IQSEC1: variants seen among roughly 807,000 people sequenced by gnomAD.
The protein encoded by IQSEC1 is IQ motif and Sec7 domain ArfGEF 1.
IQSEC1 carries 31 observed loss-of-function variants against 91.0 expected under a neutral mutation model. The ratio of observed to expected loss-of-function variants is 0.34; its 90% CI spans 0.26 to 0.46. The LOEUF is 0.46. IQSEC1 is among the 20% of genes least tolerant of loss of function. The pLI is 1.00. For synonymous variants in IQSEC1, 699 were observed against 662.6 expected (o/e 1.05, Z -0.84); for missense variants, 1,388 against 1,575.6 (o/e 0.88, Z 2.02).
chr3:13,172,742 G>T (rs1292848913), intron 1 of IQSEC1, among the ~76,000 whole-genome samples: 1 of 152,238 alleles, frequency 6.6e-6, no homozygotes, highest in African/African-American at 2.4e-5. Context: ...CAGTGCTGGT[G>T]AGGGATGGCA....
chr3:12,943,727 G>C (rs935346142), intron 1 of IQSEC1, among the ~76,000 whole-genome samples: 3 of 152,224 alleles, frequency 2.0e-5, no homozygotes, highest in African/African-American at 7.2e-5. Context: ...CCAGTGCCCA[G>C]TGCAGAATGT....
chr3:13,046,196 G>A (rs1293496544), intron 1 of IQSEC1, among the ~76,000 whole-genome samples: 1 of 152,250 alleles, frequency 6.6e-6, no homozygotes, highest in Non-Finnish European at 1.5e-5. Flanking sequence ...CAATAGCCCT[G>A]ACTCGCTGGG....
chr3:12,959,583 A>G (rs551049898), intron 1 of IQSEC1, among the ~76,000 whole-genome samples: 1 of 152,318 alleles, frequency 6.6e-6, no homozygotes, highest in South Asian at 2.1e-4. Context: ...AACTGGCTCA[A>G]GCTCAGAGTT....
chr3:13,176,701 A>G (rs1693736856), intron 1 of IQSEC1, among the ~76,000 whole-genome samples: 1 of 152,236 alleles, frequency 6.6e-6, no homozygotes, highest in Admixed American at 6.5e-5. Flanking sequence ...AGAGCTGGCA[A>G]GGGACGACCG....
intron 1 of IQSEC1, among the ~76,000 whole-genome samples, chr3:13,233,811 C>T (rs1322619460): frequency 6.6e-6 from 1 of 152,216 alleles, no homozygotes. Context: ...GGAGCAAAGC[C>T]CGGCTCCCTG....
At chr3:13,265,632 G>A (rs1576315999) in intron 1 of IQSEC1, among the ~76,000 whole-genome samples, 1 of 152,096 alleles carries the variant, frequency 6.6e-6, no homozygotes, top group African/African-American at 2.4e-5. Flanking sequence ...CAAGCTCACA[G>A]CCCCCTCATC....
At chr3:13,047,602 C>T (rs1347032246) in intron 1 of IQSEC1, 1 of 746,336 alleles carries the variant, frequency 1.3e-6, no homozygotes, top group Non-Finnish European at 1.6e-6. Flanking sequence ...TCCACTCAGG[C>T]CCCAGCAGGT....
chr3:12,941,969 G>T, intron 1 of IQSEC1, 104 bp from the exon 2 acceptor site: 1 of 1,111,732 alleles, frequency 9.0e-7, no homozygotes, highest in Non-Finnish European at 1.3e-6. Flanking sequence ...GAGCCCCCAT[G>T]CCCGTTCTTC....
intron 2 of IQSEC1, among the ~76,000 whole-genome samples, chr3:13,107,476 T>C (rs1450271824): frequency 6.6e-6 from 1 of 152,180 alleles, no homozygotes; most frequent in Non-Finnish European, 1.5e-5. Context: ...ATCTCCATAT[T>C]ACACATGGAG....
chr3:12,948,482 C>T lies in IQSEC1; in HGVS notation c.24-6617G>A, dbSNP rs143351655. 1.8e-3 allele frequency among the ~76,000 whole-genome samples: 277 copies of T among 152,334 alleles called. 3 individuals are homozygous for T. Among genetic ancestry groups the T allele is most frequent in the African/African-American group, 6.5e-3 (269 of 41,568 alleles). ...CATGGGGATGGGTGAGAAAGGCAGA[C>T]AGTCCAACCCCAGCCCCTCAGCCCA... On this transcript the variant is annotated intron_variant, in intron 1 of 13. Transcript: ENST00000613206.
intron 1 of IQSEC1, among the ~76,000 whole-genome samples, chr3:13,004,320 C>G (rs1458330937): frequency 6.6e-6 from 1 of 152,218 alleles, no homozygotes; most frequent in African/African-American, 2.4e-5. Context: ...TGGGTGCCAT[C>G]ATGTGCAAGG....
intron 2 of IQSEC1, among the ~76,000 whole-genome samples, chr3:13,123,148 A>G (rs373318943): frequency 1.1e-4 from 17 of 152,374 alleles, no homozygotes; most frequent in African/African-American, 4.1e-4. Context: ...AATCCAGCCA[A>G]GAAGGCTTTG....
intron 2 of IQSEC1, among the ~76,000 whole-genome samples, chr3:13,087,597 T>C (rs1262154611): frequency 6.6e-6 from 1 of 152,228 alleles, no homozygotes; most frequent in Non-Finnish European, 1.5e-5. Context: ...CTTTTAACTA[T>C]TTTTAGTTAA....
intron 2 of IQSEC1, among the ~76,000 whole-genome samples, chr3:13,145,460 C>T: frequency 6.6e-6 from 1 of 152,082 alleles, no homozygotes; most frequent in East Asian, 1.9e-4. Context: ...TCTTTTTGGC[C>T]ACTTCTTTCT....
intron 2 of IQSEC1, among the ~76,000 whole-genome samples, chr3:13,079,445 C>T (rs1436611314): frequency 6.6e-6 from 1 of 152,210 alleles, no homozygotes; most frequent in African/African-American, 2.4e-5. Context: ...CCACTTGCCT[C>T]CTTCTGGTTG....
At chr3:13,145,086 T>TG (rs952934718) in intron 2 of IQSEC1, among the ~76,000 whole-genome samples, 5 of 151,840 alleles carry the variant, frequency 3.3e-5, no homozygotes, top group South Asian at 2.1e-4. Context: ...CTGTGAAGGG[T>TG]GGGGGGGCTG....
intron 1 of IQSEC1, among the ~76,000 whole-genome samples, chr3:13,226,103 T>A (rs1010563810): frequency 9.9e-5 from 15 of 152,156 alleles, no homozygotes; most frequent in African/African-American, 3.4e-4. Flanking sequence ...GGTCTCGAAC[T>A]CCCGACCTCA....
chr3:13,228,603 T>C (rs999836982), intron 1 of IQSEC1, among the ~76,000 whole-genome samples: 2 of 152,224 alleles, frequency 1.3e-5, no homozygotes, highest in African/African-American at 4.8e-5. Context: ...TTAAAATTTT[T>C]TGAAATCTTT....
chr3:13,047,592 T>A lies in IQSEC1; in HGVS notation c.23+25400A>T, dbSNP rs575601972. The A allele has an allele frequency of 1.8e-5, 15 of 816,576 alleles. No individual in the cohort carries two copies. In the African/African-American group the frequency reaches 2.4e-4, roughly 13 times the overall value. 50.6% of individuals were successfully genotyped at this position (816,576 alleles called of 1,614,324 possible). On this transcript the variant is annotated intron_variant, in intron 1 of 13. Transcript: ENST00000613206. ...CACAGCAAACCCCTTGGGGGCCATG[T>A]CCACTCAGGCCCCAGCAGGTGGTCC...
Sources: gnomAD v4.1 joint callset for allele counts (sites outside exome capture counted in the v4.1 genomes callset) on GRCh38, gnomAD v4.1.1 for gene constraint, MANE v1.5 for transcripts, NCBI Gene and HGNC (gene_info 2026-07-23, HGNC 2026-07-21) for gene names.